The following BANP variants were observed in gnomAD, a reference collection of about 807,000 sequenced individuals.
BANP encodes the protein protein BANP.
Under a neutral mutation model 68.1 loss-of-function variants are expected in BANP, and 11 were observed. That is an observed-to-expected ratio of 0.16 (90% CI 0.10 to 0.27). The LOEUF is 0.27. Among genes scored for constraint, BANP ranks in the 10% least tolerant of loss-of-function variants. The pLI is 1.00. For missense variants in BANP, 504 were observed against 722.7 expected (o/e 0.70, Z 3.47); for synonymous variants, 329 against 303.2 (o/e 1.09, Z -0.88).
chr16:87,967,271 T>C (rs1315962351), intron 1 of BANP, among the ~76,000 whole-genome samples: 1 of 143,762 alleles, frequency 7.0e-6, no homozygotes, highest in Non-Finnish European at 1.5e-5. Context: ...TTTTTTTTTT[T>C]TTTTTTTTTG....
At chr16:88,024,000 C>G (rs2076499694) in intron 7 of BANP, among the ~76,000 whole-genome samples, 1 of 152,218 alleles carries the variant, frequency 6.6e-6, no homozygotes, top group Non-Finnish European at 1.5e-5. Flanking sequence ...CTGTGGGGAT[C>G]CCGTGAGCCT....
intron 3 of BANP, among the ~76,000 whole-genome samples, chr16:87,981,513 C>T (rs1446526341): frequency 2.6e-5 from 4 of 152,194 alleles, no homozygotes; most frequent in African/African-American, 9.7e-5. Flanking sequence ...TACACAGACC[C>T]AAAGAGTTTC....
intron 11 of BANP, among the ~76,000 whole-genome samples, chr16:88,058,979 G>A (rs1205339215): frequency 6.6e-6 from 1 of 152,046 alleles, no homozygotes; most frequent in Non-Finnish European, 1.5e-5. Flanking sequence ...GCTTTCGGCA[G>A]CTGCTCCTCC....
intron 6 of BANP, among the ~76,000 whole-genome samples, chr16:88,012,447 C>T (rs1223793333): frequency 6.6e-6 from 1 of 152,186 alleles, no homozygotes; most frequent in Non-Finnish European, 1.5e-5. Flanking sequence ...ACTGAATTGA[C>T]ATGGAGTTGG....
intron 5 of BANP, 30 bp from the exon 6 acceptor site, chr16:88,006,060 T>C (rs2070991853): frequency 7.4e-6 from 12 of 1,613,084 alleles, no homozygotes; most frequent in Non-Finnish European, 1.0e-5. Flanking sequence ...TCTTACCACA[T>C]CGGGCTGGTG....
intron 1 of BANP, among the ~76,000 whole-genome samples, chr16:87,968,499 T>G (rs34080356): frequency 6.9e-6 from 1 of 145,296 alleles, no homozygotes; most frequent in African/African-American, 2.6e-5. Context: ...AAAAAAAAAA[T>G]AAGTTTAGTT....
At chr16:88,005,034 A>G (rs1293481115) in intron 5 of BANP, among the ~76,000 whole-genome samples, 1 of 152,138 alleles carries the variant, frequency 6.6e-6, no homozygotes, top group African/African-American at 2.4e-5. Flanking sequence ...CTGTGTCTTC[A>G]CAAAGTTCTA....
chr16:87,983,533 G>T (rs981508570), intron 3 of BANP, among the ~76,000 whole-genome samples: 5 of 152,132 alleles, frequency 3.3e-5, no homozygotes, highest in African/African-American at 1.2e-4. Flanking sequence ...GCCCGGCTTT[G>T]CCAACCACTA....
At chr16:88,016,248 C>T (rs980109803) in intron 6 of BANP, among the ~76,000 whole-genome samples, 7 of 152,228 alleles carry the variant, frequency 4.6e-5, no homozygotes, top group African/African-American at 9.6e-5. Flanking sequence ...AAGCATGTGG[C>T]GCTGGGAAAT....
intron 1 of BANP, among the ~76,000 whole-genome samples, chr16:87,961,520 C>T (rs1230889137): frequency 6.6e-6 from 1 of 151,720 alleles, no homozygotes; most frequent in Non-Finnish European, 1.5e-5. Context: ...AGCAGACCAC[C>T]GGTGGAAGCA....
chr16:87,950,989 C>G (rs1225297803), upstream of BANP: 1 of 152,250 alleles, frequency 6.6e-6, no homozygotes, highest in Non-Finnish European at 1.5e-5. Flanking sequence ...CCCAGCAACC[C>G]TTGGTGCGGG....
At chr16:88,024,115 G>T (rs1411278584) in intron 7 of BANP, among the ~76,000 whole-genome samples, 3 of 152,236 alleles carry the variant, frequency 2.0e-5, no homozygotes, top group African/African-American at 7.2e-5. Context: ...CAGAGCAGGG[G>T]CTGCAGGTGC....
In BANP at chr16:88,006,082, C is replaced by G. The variant is rs748293144; in HGVS notation, c.480-8C>G. On this transcript the variant is annotated splice_polypyrimidine_tract_variant and splice_region_variant and intron_variant, in intron 5 of 13. Coordinates refer to ENST00000682872, the MANE Select transcript of BANP (RefSeq NM_001386991.1). ...ACATCGGGCTGGTGTGTTTTTTTTC[C>G]CGTTTAGCGCTGTGCCTGGGCGTCG... The G allele has an allele frequency of 1.1e-5, 17 of 1,613,530 alleles. No homozygotes were observed. The highest frequency in any genetic ancestry group is 1.4e-5 in the Non-Finnish European group (17 of 1,179,780).
intron 7 of BANP, among the ~76,000 whole-genome samples, chr16:88,025,216 G>A (rs2076755317): frequency 6.6e-6 from 1 of 152,192 alleles, no homozygotes; most frequent in South Asian, 2.1e-4. Context: ...CTATTGAAGT[G>A]CAGTTTGAAA....
intron 3 of BANP, among the ~76,000 whole-genome samples, chr16:87,983,097 A>C (rs962703803): frequency 6.6e-6 from 1 of 151,938 alleles, no homozygotes; most frequent in African/African-American, 2.4e-5. Context: ...TGATGTGCAC[A>C]CTTTGGACCC....
At chr16:87,987,315 G>A (rs569324459) in intron 4 of BANP, among the ~76,000 whole-genome samples, 1 of 152,298 alleles carries the variant, frequency 6.6e-6, no homozygotes, top group East Asian at 1.9e-4. Flanking sequence ...TTGACCTTAG[G>A]TGATCTGCCT....
chr16:87,989,953 G>T lies in BANP; in HGVS notation c.362+5694G>T, dbSNP rs1158449073. On this transcript the variant is annotated intron_variant, in intron 4 of 13. Coordinates refer to ENST00000682872, the MANE Select transcript of BANP (RefSeq NM_001386991.1). ...CACAGGACACAGGGCGGGCGACAGGGGATGCAGGCCCGCGTGGCTGCGCGC... is the reference window on the plus strand; with the variant it reads ...CACAGGACACAGGGCGGGCGACAGGTGATGCAGGCCCGCGTGGCTGCGCGC... Among the ~76,000 whole-genome samples, 13 of 151,716 alleles carry T rather than the reference G, an allele frequency of 8.6e-5. 1 individual carries two copies. Among genetic ancestry groups the T allele is most frequent in the Non-Finnish European group, 1.9e-4 (13 of 67,918 alleles).
chr16:88,047,129 C>G (rs983904675), intron 11 of BANP, among the ~76,000 whole-genome samples: 4 of 152,080 alleles, frequency 2.6e-5, no homozygotes, highest in Non-Finnish European at 4.4e-5. Context: ...GAGCCATGAA[C>G]TCGTGCGGTC....
Position 88,064,491 on chromosome 16 carries a change from C to T in BANP, c.1312-776C>T, listed in dbSNP as rs2087870631. ...TGAATGAGCAAAACAACCCACCTGC[C>T]TCCCACGGACAGATGCTCCCAGGAT... On this transcript the variant is annotated intron_variant, in intron 11 of 13. Coordinates refer to ENST00000682872, the MANE Select transcript of BANP (RefSeq NM_001386991.1). The surrounding 1 kb of genome is among the most constrained non-coding windows in gnomAD (Gnocchi z 4.5). 6.6e-6 allele frequency among the ~76,000 whole-genome samples: 1 copy of T among 152,246 alleles called. No individual in the cohort carries two copies. The highest frequency in any genetic ancestry group is 2.4e-5 in the African/African-American group (1 of 41,472).
Sources: gnomAD v4.1 joint callset for allele counts (sites outside exome capture counted in the v4.1 genomes callset) on GRCh38, gnomAD v4.1.1 for gene constraint, Gnocchi (gnomAD v3.1) non-coding constraint, MANE v1.5 for transcripts, NCBI Gene and HGNC (gene_info 2026-07-23, HGNC 2026-07-21) for gene names.